EGFLAM: variants seen among roughly 807,000 people sequenced by gnomAD.
EGFLAM encodes the protein pikachurin.
Under a neutral mutation model 113.1 loss-of-function variants are expected in EGFLAM, and 79 were observed. The observed-to-expected ratio is 0.70, with a 90% CI of 0.58 to 0.84. The LOEUF is 0.84. Ranked by LOEUF, EGFLAM falls within the 40% of genes least tolerant of loss-of-function variation. The pLI is 0.00. For synonymous variants in EGFLAM, 504 were observed against 487.6 expected (o/e 1.03, Z -0.44); for missense variants, 1,265 against 1,291.6 (o/e 0.98, Z 0.32).
intron 6 of EGFLAM, among the ~76,000 whole-genome samples, chr5:38,394,225 AT>A (rs1404403010): frequency 1.3e-5 from 2 of 151,788 alleles, no homozygotes; most frequent in African/African-American, 4.8e-5. Context: ...AAAAGGCAAC[AT>A]TTGGTTGGAA....
At chr5:38,431,377 C>T (rs1742182961) in intron 15 of EGFLAM, 89 bp downstream of exon 15, 3 of 1,319,296 alleles carry the variant, frequency 2.3e-6, no homozygotes, top group Non-Finnish European at 3.2e-6. Context: ...GCAGAGTGTT[C>T]TGGTTAACTA....
chr5:38,305,453 T>C (rs894489964), intron 1 of EGFLAM: 1 of 454,766 alleles, frequency 2.2e-6, no homozygotes, highest in African/African-American at 2.0e-5. Context: ...AGGATGACTG[T>C]CACGAAAACT....
intron 1 of EGFLAM, among the ~76,000 whole-genome samples, chr5:38,318,969 A>T (rs116164773): frequency 0.01 from 1,560 of 152,278 alleles, 25 homozygotes; most frequent in African/African-American, 0.033. Context: ...AGAACTTTCT[A>T]GAAGGCTGGT....
At chr5:38,446,579 T>C (rs1361890518) in intron 17 of EGFLAM, among the ~76,000 whole-genome samples, 1 of 152,136 alleles carries the variant, frequency 6.6e-6, no homozygotes, top group Non-Finnish European at 1.5e-5. Flanking sequence ...AGCCCCAAAC[T>C]AAGTGACAAG....
At chr5:38,351,354 G>A (rs1242487615) in intron 4 of EGFLAM, among the ~76,000 whole-genome samples, 1 of 152,036 alleles carries the variant, frequency 6.6e-6, no homozygotes, top group African/African-American at 2.4e-5. Context: ...TGATCCACCT[G>A]CCTCTGCCTC....
At chr5:38,435,768 A>C (rs576032614) in intron 16 of EGFLAM, among the ~76,000 whole-genome samples, 1 of 151,868 alleles carries the variant, frequency 6.6e-6, no homozygotes, top group South Asian at 2.1e-4. Flanking sequence ...TTCAGGAAAA[A>C]AACATTCAGT....
intron 6 of EGFLAM, among the ~76,000 whole-genome samples, chr5:38,380,847 T>C (rs79112703): frequency 0.1 from 15,726 of 152,182 alleles, 916 homozygotes; most frequent in Admixed American, 0.15. Flanking sequence ...TTATCATACA[T>C]TTACTAATAA....
chr5:38,458,719 A>AC (rs1180798172), intron 20 of EGFLAM, among the ~76,000 whole-genome samples: 1 of 152,148 alleles, frequency 6.6e-6, no homozygotes, highest in Non-Finnish European at 1.5e-5. Context: ...GGTGGCTGAC[A>AC]CCTGGAATAC....
At position 38,258,740 on chromosome 5, in the gene EGFLAM, G is replaced by C; in HGVS notation, c.-15G>C. 1 of 1,601,936 alleles carries C rather than the reference G, an allele frequency of 6.2e-7. No homozygotes were observed. On this transcript the variant is annotated 5_prime_UTR_variant, in exon 1 of 22. Transcript: ENST00000322350. Reference sequence around the variant, plus strand: ...GCCCGGGACTTGGTGAAACTTTGCAGGCGCCGGCTGCGAAATGGATTTAAT... The same window carrying C: ...GCCCGGGACTTGGTGAAACTTTGCACGCGCCGGCTGCGAAATGGATTTAAT...
intron 6 of EGFLAM, among the ~76,000 whole-genome samples, chr5:38,394,935 G>T (rs926419963): frequency 1.1e-4 from 16 of 151,760 alleles, no homozygotes; most frequent in Admixed American, 8.5e-4. Flanking sequence ...TGAATATAGG[G>T]TTTTTTTAAT....
intron 11 of EGFLAM, among the ~76,000 whole-genome samples, chr5:38,416,317 G>A (rs1315825749): frequency 2.0e-5 from 3 of 152,190 alleles, no homozygotes; most frequent in Non-Finnish European, 4.4e-5. Flanking sequence ...GAGAGGAGAC[G>A]GACAGGGAAG....
At chr5:38,406,337 C>T (rs1226369144) in intron 7 of EGFLAM, 96 bp downstream of exon 7, 1 of 1,035,758 alleles carries the variant, frequency 9.7e-7, no homozygotes, top group African/African-American at 1.6e-5. Flanking sequence ...TTACTTAAAA[C>T]TTAAATGTGC....
intron 1 of EGFLAM, among the ~76,000 whole-genome samples, chr5:38,314,523 G>C (rs1204420801): frequency 6.6e-6 from 1 of 152,214 alleles, no homozygotes; most frequent in Non-Finnish European, 1.5e-5. Context: ...ACAGATCACA[G>C]AGTGATTGCT....
chr5:38,340,872 G>A (rs1407747530), intron 3 of EGFLAM, among the ~76,000 whole-genome samples: 1 of 128,494 alleles, frequency 7.8e-6, no homozygotes, highest in African/African-American at 2.9e-5. Flanking sequence ...GGGGGGTGGG[G>A]AGAGTTGCAG....
At chr5:38,316,953 A>G (rs1738609186) in intron 1 of EGFLAM, among the ~76,000 whole-genome samples, 1 of 152,198 alleles carries the variant, frequency 6.6e-6, no homozygotes, top group Non-Finnish European at 1.5e-5. Context: ...GACTTCTGCC[A>G]GCAATTACTG....
intron 1 of EGFLAM, among the ~76,000 whole-genome samples, chr5:38,271,234 T>A (rs2561144): frequency 6.6e-6 from 1 of 152,054 alleles, no homozygotes; most frequent in South Asian, 2.1e-4. Context: ...AAAGACATCA[T>A]TTGCAGTTAG....
chr5:38,369,811 A>G (rs894319629), intron 5 of EGFLAM, among the ~76,000 whole-genome samples: 9 of 152,228 alleles, frequency 5.9e-5, no homozygotes, highest in Admixed American at 4.6e-4. Flanking sequence ...AAGACTAAGA[A>G]TGTCCGTGAA....
intron 5 of EGFLAM, among the ~76,000 whole-genome samples, chr5:38,360,253 G>A (rs1414963572): frequency 1.3e-5 from 2 of 152,204 alleles, no homozygotes; most frequent in Admixed American, 6.5e-5. Context: ...GTCAAAAGCT[G>A]TGAAGGTTAA....
chr5:38,454,271 A>G (rs568323153), intron 19 of EGFLAM, among the ~76,000 whole-genome samples: 4 of 152,336 alleles, frequency 2.6e-5, no homozygotes, highest in African/African-American at 9.6e-5. Flanking sequence ...GGGTCTGATT[A>G]GAAACAAGCA....
Sources: allele counts gnomAD v4.1 joint callset (sites outside exome capture counted in the v4.1 genomes callset), GRCh38; gene constraint gnomAD v4.1.1; transcripts MANE v1.5; gene names NCBI Gene and HGNC (gene_info 2026-07-23, HGNC 2026-07-21).